CENPT: variants seen among roughly 807,000 people sequenced by gnomAD.
The protein encoded by CENPT is centromere protein T.
CENPT carries 42 observed loss-of-function variants against 59.7 expected under a neutral mutation model. The ratio of observed to expected loss-of-function variants is 0.70; its 90% CI spans 0.55 to 0.91. The LOEUF (loss-of-function observed/expected upper bound fraction) is 0.91, where lower values mean the gene tolerates loss of function less well. Ranked by LOEUF, CENPT falls within the 40% of genes least tolerant of loss-of-function variation. The pLI, the probability that CENPT is intolerant of heterozygous loss-of-function variation, is 0.00. For synonymous variants in CENPT, 295 were observed against 289.6 expected, an observed-to-expected ratio of 1.02 and a Z score of -0.19; for missense variants, 716 against 713.4, an observed-to-expected ratio of 1.00 and a Z score of -0.04.
intron 1 of CENPT, chr16:67,844,083 A>G (rs571525078): frequency 1.2e-5 from 2 of 167,194 alleles, no homozygotes; most frequent in African/African-American, 4.8e-5. Context: ...ACTTAGGTTT[A>G]TCCTGTTTTG....
chr16:67,836,222 G>A (rs1252931365), intron 1 of CENPT, among the ~76,000 whole-genome samples: 1 of 149,632 alleles, frequency 6.7e-6, no homozygotes, highest in African/African-American at 2.5e-5. Context: ...CACCACACCT[G>A]GCTAATTTTT....
chr16:67,840,822 C>T (rs1042583554), intron 1 of CENPT, among the ~76,000 whole-genome samples: 1 of 151,580 alleles, frequency 6.6e-6, no homozygotes, highest in African/African-American at 2.4e-5. Flanking sequence ...ACTGCCTGGC[C>T]CCTCCCTGGC....
Position 67,831,452 on chromosome 16 carries a change from G to A in CENPT, c.561-94C>T, listed in dbSNP as rs944084305. 6.4e-6 allele frequency: 10 copies of A among 1,570,588 alleles called. No homozygotes were observed. The South Asian group carries it at 9.2e-5, about 14-fold the overall frequency. Reference sequence around the variant, plus strand: ...TCTGCCCTGGGGCTCTCATCTCTTAGAACAGATGCTGTGAGGCTAAAACTG... The same window carrying A: ...TCTGCCCTGGGGCTCTCATCTCTTAAAACAGATGCTGTGAGGCTAAAACTG... On this transcript the variant is annotated intron_variant, in intron 9 of 15. Coordinates refer to ENST00000562787, the MANE Select transcript of CENPT (RefSeq NM_025082.4).
chr16:67,834,861 GAC>G (rs1350610156), intron 3 of CENPT, among the ~76,000 whole-genome samples: 1 of 151,990 alleles, frequency 6.6e-6, no homozygotes, highest in Non-Finnish European at 1.5e-5. Context: ...TTTTTTTTGA[GAC>G]AGAGTTTTGC....
intron 3 of CENPT, 141 bp downstream of exon 3, chr16:67,835,029 CAG>C (rs1463808775): frequency 1.3e-5 from 2 of 152,114 alleles, no homozygotes; most frequent in Non-Finnish European, 2.9e-5. Context: ...TAAGTAGAGA[CAG>C]GGTTTCTCCA....
In CENPT at chr16:67,842,337, GCAGGCGGGCAGC is replaced by G. The variant is rs927899632; in HGVS notation, c.-492+5052_-492+5063del. On this transcript the variant is annotated intron_variant, in intron 1 of 15. Coordinates refer to ENST00000562787, the MANE Select transcript of CENPT (RefSeq NM_025082.4). The surrounding 1 kb of genome is among the most constrained non-coding windows in gnomAD (Gnocchi z 4.9). The stretch of plus-strand genomic sequence containing the variant: ...GCGTCCCCGGGGCCCACTCCCGAGC[GCAGGCGGGCAGC>G]CAGGCGGGCGGCGCGGCGCGGGCCG... The G allele has an allele frequency of 1.8e-4, 33 of 187,906 alleles. No homozygotes were observed. Among genetic ancestry groups the G allele is most frequent in the Non-Finnish European group, 3.3e-4 (31 of 94,142 alleles). 11.6% of individuals were successfully genotyped at this position (187,906 alleles called of 1,614,324 possible). A position where few individuals can be genotyped will look rare whatever the true frequency, so the allele number is the denominator to read the frequency against.
Position 67,831,620 on chromosome 16 carries a change from C to A in CENPT, c.524-8G>T, listed in dbSNP as rs1331375021. 2.5e-6 allele frequency: 4 copies of A among 1,614,102 alleles called. No homozygotes were observed. Among genetic ancestry groups the A allele is most frequent in the Non-Finnish European group, 2.5e-6 (3 of 1,180,008 alleles). ...CAGCATTCCCTTGAGGCTCTGTCAG[C>A]AACCGGCAAGAGAATGTAAAAGAAG... On this transcript the variant is annotated splice_region_variant and splice_polypyrimidine_tract_variant and intron_variant, in intron 8 of 15. Transcript: ENST00000562787.
intron 1 of CENPT, chr16:67,847,127 G>T (rs1297156223): frequency 6.6e-6 from 1 of 151,400 alleles, no homozygotes; most frequent in East Asian, 1.9e-4. Context: ...CGGGGCCCGG[G>T]CCATGTGTCG....
intron 1 of CENPT, chr16:67,841,973 GA>G (rs1270403955): frequency 6.6e-6 from 1 of 152,244 alleles, no homozygotes; most frequent in Non-Finnish European, 1.5e-5. Flanking sequence ...GCTTCGGAGG[GA>G]AGGCGCCTAG....
In CENPT at chr16:67,829,953, G is replaced by A. The variant is rs543043647; in HGVS notation, c.998C>T (p.Ala333Val). Residue 333 changes from alanine (A) to valine (V), a missense_variant, in exon 12 of 16, where the codon GCA becomes GTA. Physicochemically the swap from Ala to Val is moderately conservative, Grantham distance 64. Coordinates refer to ENST00000562787, the MANE Select transcript of CENPT (RefSeq NM_025082.4). Reference sequence around the variant, plus strand: ...ACCTTCTTCTTCCATCTTTTTCTCTGCCTCTTCAACTCCATCGTGTAAGGG... The same window carrying A: ...ACCTTCTTCTTCCATCTTTTTCTCTACCTCTTCAACTCCATCGTGTAAGGG... ...VEPLHDGVEE[A>V]EKKMEEEGVS... is the part of the protein sequence containing the mutation. 6.2e-7 allele frequency: 1 copy of A among 1,614,072 alleles called. No individual in the cohort carries two copies. Among genetic ancestry groups the A allele is most frequent in the East Asian group, 2.2e-5 (1 of 44,884 alleles).
At chr16:67,828,872 G>A in intron 13 of CENPT, 29 bp from the exon 14 acceptor site, 1 of 1,552,334 alleles carries the variant, frequency 6.4e-7, no homozygotes, top group Non-Finnish European at 8.6e-7. Context: ...AGAGGGGGCT[G>A]AACTTGCCTC....
Position 67,830,558 on chromosome 16 carries a change from G to T in CENPT, c.704-10C>A, listed in dbSNP as rs1244212615. On this transcript the variant is annotated splice_polypyrimidine_tract_variant and intron_variant, in intron 10 of 15. Transcript: ENST00000562787. The stretch of plus-strand genomic sequence containing the variant: ...TCCTCCAACACAATGTCTGTGGGCA[G>T]AGTAGTAACAGGTTCTGAGGCTGTC... 6.2e-7 allele frequency: 1 copy of T among 1,613,362 alleles called. No individual in the cohort carries two copies. The highest frequency in any genetic ancestry group is 8.5e-7 in the Non-Finnish European group (1 of 1,179,754).
chr16:67,841,375 C>A (rs1299235096), intron 1 of CENPT, among the ~76,000 whole-genome samples: 1 of 152,100 alleles, frequency 6.6e-6, no homozygotes, highest in Non-Finnish European at 1.5e-5. Flanking sequence ...TTGGCCCTAC[C>A]CGGGCCACCC....
In CENPT at chr16:67,832,534, G is replaced by T. The variant is rs199950856; in HGVS notation, c.122C>A (p.Ala41Asp). Residue 41 changes from alanine (A) to aspartate (D), a missense_variant, in exon 5 of 16, where the codon GCC (alanine) becomes GAC (aspartate). Ala to Asp is a moderately radical substitution (Grantham distance 126). Transcript: ENST00000562787. ...PRSARAGARR[A>D]LLETASPRKL... ...CCTGGGGGAAGCCGTTTCAAGCAGG[G>T]CTCTCCGGGCTCTGTGTAAAGACCA... 2.4e-4 allele frequency: 392 copies of T among 1,613,936 alleles called. No homozygotes were observed. The highest frequency in any genetic ancestry group is 3.2e-4 in the Non-Finnish European group (382 of 1,179,850).
rs757303673 is a variant in CENPT at position 67,828,357 on chromosome 16, G to A, written c.1596C>T (p.His532=). ...QGLVTDQVSL[H]VLVERHLPLE... The stretch of plus-strand genomic sequence containing the variant: ...GGGGCAGGTGCCGCTCCACTAGCAC[G>A]TGCAGTGAGACTTGGTCAGTGACCA... The change falls in exon 16 of 16, where the codon CAC becomes CAT. Residue 532 remains histidine (H), a synonymous_variant. Transcript: ENST00000562787. 1.9e-5 allele frequency: 31 copies of A among 1,610,112 alleles called. No individual in the cohort carries two copies. The highest frequency in any genetic ancestry group is 1.0e-4 in the Admixed American group (6 of 59,868).
chr16:67,832,348 C>T lies in CENPT; in HGVS notation c.202-33G>A, dbSNP rs558411801. On this transcript the variant is annotated intron_variant, in intron 5 of 15. Coordinates refer to ENST00000562787, the MANE Select transcript of CENPT (RefSeq NM_025082.4). ...CAAAGCACCAAGCAACCAGTCTGTC[C>T]GTCTGCCTTGAGATTTCCTCAAGGT... The T allele has an allele frequency of 4.9e-5, 79 of 1,611,650 alleles. No homozygotes were observed. In the South Asian group the frequency reaches 6.2e-4, roughly 13 times the overall value.
Position 67,828,214 on chromosome 16 carries a change from T to C in CENPT, c.*53A>G, listed in dbSNP as rs1214085577. 1.3e-6 allele frequency: 2 copies of C among 1,525,742 alleles called. No individual in the cohort carries two copies. Among genetic ancestry groups the C allele is most frequent in the Admixed American group, 2.1e-5 (1 of 47,652 alleles). The allele number at this position is 1,525,742 out of a possible 1,614,324, so 94.5% of individuals were successfully genotyped here. A position where few individuals can be genotyped will look rare whatever the true frequency, so the allele number is the denominator to read the frequency against. ...GGTGGGGAGGAGACCTGGAGAAATA[T>C]GTGGGGGCAAGAGTCCCCAGGTGGG... On this transcript the variant is annotated 3_prime_UTR_variant, in exon 16 of 16. Transcript: ENST00000562787.
chr16:67,831,700 C>G, intron 8 of CENPT, 54 bp downstream of exon 8: 3 of 1,600,480 alleles, frequency 1.9e-6, no homozygotes, highest in Non-Finnish European at 2.6e-6. Flanking sequence ...GACTCCTCAG[C>G]CTCTCCAGAG....
intron 10 of CENPT, 49 bp downstream of exon 10, chr16:67,831,167 A>C (rs371547144): frequency 4.5e-5 from 72 of 1,612,310 alleles, no homozygotes; most frequent in Non-Finnish European, 5.9e-5. Flanking sequence ...TATCTGTCAT[A>C]GCGGGGAGAG....
Sources: allele counts gnomAD v4.1 joint callset (sites outside exome capture counted in the v4.1 genomes callset), GRCh38; gene constraint gnomAD v4.1.1; non-coding constraint Gnocchi (gnomAD v3.1); transcripts MANE v1.5; gene names NCBI Gene and HGNC (gene_info 2026-07-23, HGNC 2026-07-21).